ZNF536: variants seen among roughly 807,000 people sequenced by gnomAD.
The protein encoded by ZNF536 is zinc finger protein 536.
Under a neutral mutation model 84.5 loss-of-function variants are expected in ZNF536, and 13 were observed. The ratio of observed to expected loss-of-function variants is 0.15; its 90% CI spans 0.10 to 0.24. The LOEUF is 0.24. Ranked by LOEUF, ZNF536 falls within the 10% of genes least tolerant of loss-of-function variation. The pLI, the probability that ZNF536 is intolerant of heterozygous loss-of-function variation, is 1.00. For missense variants in ZNF536, 1,536 were observed against 1,747.5 expected (o/e 0.88, Z 2.16); for synonymous variants, 811 against 742.5 (o/e 1.09, Z -1.50).
chr19:30,636,798 G>T (rs376512335), intron 1 of ZNF536, among the ~76,000 whole-genome samples: 1 of 152,178 alleles, frequency 6.6e-6, no homozygotes, highest in Non-Finnish European at 1.5e-5. Context: ...GCTGCAGCCT[G>T]TTGCGGGCCT....
chr19:30,278,199 T>A (rs1189571662), intron 1 of ZNF536, among the ~76,000 whole-genome samples: 1 of 152,156 alleles, frequency 6.6e-6, no homozygotes, highest in Non-Finnish European at 1.5e-5. Context: ...CCAGGATTCC[T>A]GGGAGGCAGA....
chr19:30,591,522 T>A (rs911174427), intron 1 of ZNF536, among the ~76,000 whole-genome samples: 6 of 152,138 alleles, frequency 3.9e-5, no homozygotes, highest in Non-Finnish European at 8.8e-5. Context: ...ATGAGAACAG[T>A]ATGGGGGAAA....
chr19:30,647,217 G>A (rs1434292839), intron 1 of ZNF536, among the ~76,000 whole-genome samples: 1 of 151,894 alleles, frequency 6.6e-6, no homozygotes, highest in East Asian at 1.9e-4. Flanking sequence ...TCCCTATTTT[G>A]TCCCTGATTA....
intron 1 of ZNF536, among the ~76,000 whole-genome samples, chr19:30,624,455 G>C (rs2048602920): frequency 6.6e-6 from 1 of 152,196 alleles, no homozygotes; most frequent in Non-Finnish European, 1.5e-5. Flanking sequence ...AACACATGCA[G>C]TGATGGCTTC....
intron 4 of ZNF536, 88 bp from the exon 5 acceptor site, chr19:30,557,069 T>G: frequency 7.2e-7 from 1 of 1,389,864 alleles, no homozygotes; most frequent in Non-Finnish European, 1.0e-6. Flanking sequence ...ATTAAACGAT[T>G]AGGGGATGTG....
intron 1 of ZNF536, among the ~76,000 whole-genome samples, chr19:30,241,887 G>A (rs1375923093): frequency 6.6e-6 from 1 of 152,200 alleles, no homozygotes; most frequent in African/African-American, 2.4e-5. Context: ...GGTGTCCTCT[G>A]GGAGGACTCA....
Position 30,557,329 on chromosome 19 carries a change from C to A in ZNF536, c.*165C>A. 2 of 701,762 alleles carry A rather than the reference C, an allele frequency of 2.8e-6. No individual in the cohort carries two copies. Among genetic ancestry groups the A allele is most frequent in the South Asian group, 2.1e-5 (1 of 47,658 alleles). 43.5% of individuals were successfully genotyped at this position (701,762 alleles called of 1,614,324 possible). ...AGGTATGTGTATACACACGGTGCAC[C>A]AATCTACAGTATATATAGCAGAGAA... On this transcript the variant is annotated 3_prime_UTR_variant, in exon 5 of 5. Transcript: ENST00000355537.
chr19:30,382,568 A>AT (rs2049063805), intron 1 of ZNF536, among the ~76,000 whole-genome samples: 1 of 110,690 alleles, frequency 9.0e-6, no homozygotes, highest in Non-Finnish European at 2.3e-5. Context: ...GTGGGCAGGG[A>AT]ATTTTTTTTT....
chr19:30,600,042 GTT>G (rs60592659), intron 1 of ZNF536, among the ~76,000 whole-genome samples: 2,222 of 148,300 alleles, frequency 0.015, 29 homozygotes, highest in African/African-American at 0.041. Flanking sequence ...GCTCCTAGCT[GTT>G]TTTTTTTTTT....
intron 1 of ZNF536, among the ~76,000 whole-genome samples, chr19:30,658,982 T>TGTCA (rs1178811789): frequency 3.9e-5 from 6 of 152,242 alleles, no homozygotes; most frequent in Non-Finnish European, 8.8e-5. Context: ...CTGGGCAGTT[T>TGTCA]GTCAGCTCTC....
chr19:30,654,224 C>A (rs1276413760), intron 1 of ZNF536, among the ~76,000 whole-genome samples: 1 of 152,174 alleles, frequency 6.6e-6, no homozygotes, highest in Admixed American at 6.5e-5. Context: ...GGGGAGGGAG[C>A]CTGACCTTCA....
At chr19:30,383,319 A>AC (rs2034149707) in intron 1 of ZNF536, among the ~76,000 whole-genome samples, 1 of 151,862 alleles carries the variant, frequency 6.6e-6, no homozygotes, top group Admixed American at 6.6e-5. Flanking sequence ...AACAAAAAAA[A>AC]CAAATGCAAC....
rs2025342803 is a variant in ZNF536 at position 30,263,679 on chromosome 19, C to T, written c.-189-20393C>T. 1.1e-4 allele frequency among the ~76,000 whole-genome samples: 17 copies of T among 152,308 alleles called. 1 individual carries two copies. In the South Asian group the frequency reaches 3.5e-3, roughly 32 times the overall value. Reference sequence around the variant, plus strand: ...TACACTAATCAGATTTTCAGCTACTCATTCTGTTGCAAGAAGAAGTTAAGT... The same window carrying T: ...TACACTAATCAGATTTTCAGCTACTTATTCTGTTGCAAGAAGAAGTTAAGT... On this transcript the variant is annotated intron_variant, in intron 1 of 5. Transcript: ENST00000585628.
At chr19:30,571,780 T>G (rs2046556204) in intron 1 of ZNF536, among the ~76,000 whole-genome samples, 1 of 152,166 alleles carries the variant, frequency 6.6e-6, no homozygotes, top group African/African-American at 2.4e-5. Flanking sequence ...GACAGCCTGC[T>G]TTATTTTTAG....
At chr19:30,521,808 A>C (rs1018058715) in intron 2 of ZNF536, among the ~76,000 whole-genome samples, 6 of 152,158 alleles carry the variant, frequency 3.9e-5, no homozygotes, top group African/African-American at 1.4e-4. Context: ...AACCGCGGTG[A>C]TAACTGGGAG....
rs906310892 is a variant in ZNF536, at chr19:30,228,886, C to T, written c.-190+213C>T. ...TCCCCCGTCTGCTGACTTTTCGGGCCAGGTGAAGTGTTTGGGCCACGCGTG... is the reference window on the plus strand; with the variant it reads ...TCCCCCGTCTGCTGACTTTTCGGGCTAGGTGAAGTGTTTGGGCCACGCGTG... On this transcript the variant is annotated intron_variant, in intron 1 of 5. Transcript: ENST00000585628. This position sits in a 1 kb window ranked among gnomAD's most constrained non-coding sequence, Gnocchi z 4.5. 6.6e-6 allele frequency among the ~76,000 whole-genome samples: 1 copy of T among 151,270 alleles called. No homozygotes were observed. Among genetic ancestry groups the T allele is most frequent in the Non-Finnish European group, 1.5e-5 (1 of 67,852 alleles).
rs988459859 is a variant in ZNF536, at chr19:30,558,034, TA to T, written c.*881del. 525 of 144,714 alleles carry T rather than the reference TA, an allele frequency of 3.6e-3. No individual in the cohort carries two copies. The highest frequency in any genetic ancestry group is 5.4e-3 in the East Asian group (27 of 4,988). 9.0% of individuals were successfully genotyped at this position (144,714 alleles called of 1,614,324 possible). A position where few individuals can be genotyped will look rare whatever the true frequency, so the allele number is the denominator to read the frequency against. On this transcript the variant is annotated 3_prime_UTR_variant, in exon 5 of 5. Transcript: ENST00000355537. ...CAATAACTTATCTTGGTATTGCTAA[TA>T]AAAAAAAAAAGCTGTGAAACATTAG...
intron 1 of ZNF536, among the ~76,000 whole-genome samples, chr19:30,398,630 A>G (rs2049920975): frequency 6.6e-6 from 1 of 152,084 alleles, no homozygotes; most frequent in Non-Finnish European, 1.5e-5. Flanking sequence ...ATGAGTGAGA[A>G]CATGCGGTGT....
intron 2 of ZNF536, among the ~76,000 whole-genome samples, chr19:30,323,782 C>T (rs891339775): frequency 6.6e-6 from 1 of 152,026 alleles, no homozygotes; most frequent in Non-Finnish European, 1.5e-5. Context: ...AGTTTCTATC[C>T]CTCTGCTAGT....
Sources: gnomAD v4.1 joint callset for allele counts (sites outside exome capture counted in the v4.1 genomes callset) on GRCh38, gnomAD v4.1.1 for gene constraint, Gnocchi (gnomAD v3.1) non-coding constraint, MANE v1.5 for transcripts, NCBI Gene and HGNC (gene_info 2026-07-23, HGNC 2026-07-21) for gene names.